DEPTOR: variants seen among roughly 807,000 people sequenced by gnomAD.
The protein encoded by DEPTOR is DEP domain containing MTOR interacting protein.
DEPTOR carries 41 observed loss-of-function variants against 41.6 expected under a neutral mutation model. That is an observed-to-expected ratio of 0.98 (90% confidence interval 0.77 to 1.28). DEPTOR has a LOEUF of 1.28. Among genes scored for constraint, DEPTOR ranks in the 50% most tolerant of loss-of-function variants. The pLI is 0.00. For synonymous variants in DEPTOR, 195 were observed against 192.3 expected, an observed-to-expected ratio of 1.01 and a Z score of -0.12; for missense variants, 514 against 527.9, an observed-to-expected ratio of 0.97 and a Z score of 0.26.
At chr8:119,884,034 T>C (rs1827332935) in intron 1 of DEPTOR, among the ~76,000 whole-genome samples, 1 of 152,196 alleles carries the variant, frequency 6.6e-6, no homozygotes, top group Non-Finnish European at 1.5e-5. Context: ...ATTCTCTCAT[T>C]GCATGCCACC....
At chr8:119,874,092 C>T (rs1221486686) in intron 1 of DEPTOR, 124 bp downstream of exon 1, 25 of 1,517,880 alleles carry the variant, frequency 1.6e-5, no homozygotes, top group Non-Finnish European at 2.0e-5. Context: ...GGAACGGCTG[C>T]GGGCGCGTGG....
At chr8:119,889,672 A>AGGG (rs1231174404) in intron 1 of DEPTOR, among the ~76,000 whole-genome samples, 2 of 18,810 alleles carry the variant, frequency 1.1e-4, no homozygotes, top group Non-Finnish European at 1.2e-4. Context: ...AGGGGAGGGG[A>AGGG]GAGGAGGGGA....
At chr8:119,909,691 T>C (rs1232185354) in intron 1 of DEPTOR, among the ~76,000 whole-genome samples, 1 of 152,254 alleles carries the variant, frequency 6.6e-6, no homozygotes, top group Non-Finnish European at 1.5e-5. Context: ...AGTTCTAGAT[T>C]CTGTGTGTGG....
chr8:119,995,308 C>T (rs555487017), intron 4 of DEPTOR, among the ~76,000 whole-genome samples: 31 of 152,154 alleles, frequency 2.0e-4, no homozygotes, highest in Admixed American at 9.2e-4. Context: ...AAAAGTAGGC[C>T]GGGCACGGTG....
chr8:119,896,883 G>A (rs1289736927), intron 1 of DEPTOR, among the ~76,000 whole-genome samples: 1 of 150,396 alleles, frequency 6.6e-6, no homozygotes, highest in Admixed American at 6.9e-5. Flanking sequence ...TACATATATG[G>A]AAATGATTAA....
intron 3 of DEPTOR, among the ~76,000 whole-genome samples, chr8:119,959,939 A>G (rs937551259): frequency 6.6e-6 from 1 of 152,142 alleles, no homozygotes; most frequent in East Asian, 1.9e-4. Flanking sequence ...ATAAGGGTGT[A>G]CATTCATGGG....
chr8:119,913,067 C>A lies in DEPTOR; in HGVS notation c.123-15333C>A, dbSNP rs1369504048. ...TCCCGAGTAGCTGGGATTACAGGCA[C>A]CTACCACCACACCCAGTTAATTTTT... On this transcript the variant is annotated intron_variant, in intron 1 of 8. Coordinates refer to ENST00000286234, the MANE Select transcript of DEPTOR (RefSeq NM_022783.4). Among the ~76,000 whole-genome samples, 3 of 152,022 alleles carry A rather than the reference C, an allele frequency of 2.0e-5. No individual in the cohort carries two copies. The South Asian group carries it at 6.2e-4, about 32-fold the overall frequency.
intron 1 of DEPTOR, 92 bp from the exon 2 acceptor site, chr8:119,928,308 A>C: frequency 7.3e-7 from 1 of 1,375,102 alleles, no homozygotes; most frequent in Non-Finnish European, 1.0e-6. Context: ...TCATGCCTTT[A>C]GAACTTCTGT....
intron 8 of DEPTOR, among the ~76,000 whole-genome samples, chr8:120,039,308 A>G (rs999405505): frequency 6.6e-6 from 1 of 152,176 alleles, no homozygotes; most frequent in African/African-American, 2.4e-5. Context: ...AGAAGTAACT[A>G]TTTATTGTTT....
At chr8:119,878,258 G>A (rs7013639) in intron 1 of DEPTOR, among the ~76,000 whole-genome samples, 43,517 of 150,944 alleles carry the variant, frequency 0.29, 6,663 homozygotes, top group African/African-American at 0.36. Flanking sequence ...CAGGTGATCC[G>A]CTCACCTCAG....
intron 1 of DEPTOR, among the ~76,000 whole-genome samples, chr8:119,916,060 T>C (rs1185450139): frequency 6.6e-6 from 1 of 151,188 alleles, no homozygotes; most frequent in Non-Finnish European, 1.5e-5. Context: ...ACATTCTCTA[T>C]CATTCCCATT....
intron 4 of DEPTOR, among the ~76,000 whole-genome samples, chr8:119,982,611 C>T (rs1828782441): frequency 1.3e-5 from 2 of 152,164 alleles, no homozygotes; most frequent in African/African-American, 4.8e-5. Context: ...TTCTCTGCCT[C>T]CTGAAGTGAG....
intron 4 of DEPTOR, among the ~76,000 whole-genome samples, chr8:119,981,277 A>C (rs1050021604): frequency 6.6e-6 from 1 of 152,220 alleles, no homozygotes; most frequent in Admixed American, 6.5e-5. Flanking sequence ...GGGGGAGTCT[A>C]TTCAGGTCAA....
In DEPTOR at chr8:119,873,835, G is replaced by A. The variant is rs117543860; in HGVS notation, c.-12G>A. On this transcript the variant is annotated 5_prime_UTR_variant, in exon 1 of 9. Coordinates refer to ENST00000286234, the MANE Select transcript of DEPTOR (RefSeq NM_022783.4). ...ACAGCGGAGCCAGTGGTAGCCGCACGGCCCTAAAACCATGGAGGAGGGCGG... is the reference window on the plus strand; with the variant it reads ...ACAGCGGAGCCAGTGGTAGCCGCACAGCCCTAAAACCATGGAGGAGGGCGG... 31,351 of 1,610,032 alleles carry A rather than the reference G, an allele frequency of 0.019. 403 individuals carry two copies. Among genetic ancestry groups the A allele is most frequent in the Non-Finnish European group, 0.024 (27,964 of 1,178,100 alleles).
intron 1 of DEPTOR, among the ~76,000 whole-genome samples, chr8:119,885,511 A>C (rs1168904137): frequency 6.6e-6 from 1 of 152,224 alleles, no homozygotes; most frequent in Non-Finnish European, 1.5e-5. Context: ...TTCTAACGGT[A>C]GAAACAAATT....
At chr8:120,033,249 A>C (rs1812922259) in intron 8 of DEPTOR, among the ~76,000 whole-genome samples, 2 of 151,944 alleles carry the variant, frequency 1.3e-5, no homozygotes, top group South Asian at 4.2e-4. Context: ...TACCACGCTC[A>C]GCTAATTTTG....
chr8:120,028,346 G>T (rs1812833178), intron 8 of DEPTOR, among the ~76,000 whole-genome samples: 1 of 149,552 alleles, frequency 6.7e-6, no homozygotes, highest in Admixed American at 6.7e-5. Flanking sequence ...TGACATTGCA[G>T]TATTTCTTTG....
At chr8:119,917,270 C>T (rs997683460) in intron 1 of DEPTOR, among the ~76,000 whole-genome samples, 7 of 152,172 alleles carry the variant, frequency 4.6e-5, no homozygotes, top group Non-Finnish European at 1.0e-4. Context: ...GCTAATACTC[C>T]ATGTTGATTT....
intron 4 of DEPTOR, among the ~76,000 whole-genome samples, chr8:119,991,190 C>CG (rs984935358): frequency 6.6e-6 from 1 of 150,480 alleles, no homozygotes; most frequent in Non-Finnish European, 1.5e-5. Flanking sequence ...ACATGTATTA[C>CG]GGGGGGTTAT....
Sources: gnomAD v4.1 joint callset for allele counts (sites outside exome capture counted in the v4.1 genomes callset) on GRCh38, gnomAD v4.1.1 for gene constraint, MANE v1.5 for transcripts, NCBI Gene and HGNC (gene_info 2026-07-23, HGNC 2026-07-21) for gene names.